CBFA2T2: variants seen among roughly 807,000 people sequenced by gnomAD.
CBFA2T2 encodes protein CBFA2T2.
CBFA2T2 carries 11 observed loss-of-function variants against 62.2 expected under a neutral mutation model. That is an observed-to-expected ratio of 0.18 (90% CI 0.11 to 0.29). CBFA2T2 has a LOEUF of 0.29. CBFA2T2 is among the 10% of genes least tolerant of loss of function. CBFA2T2 has a pLI of 1.00. For synonymous variants in CBFA2T2, 295 were observed against 287.5 expected, an observed-to-expected ratio of 1.03 and a Z score of -0.27; for missense variants, 592 against 774.1, an observed-to-expected ratio of 0.76 and a Z score of 2.79.
intron 1 of CBFA2T2, among the ~76,000 whole-genome samples, chr20:33,555,781 T>C (rs548655690): frequency 4.8e-4 from 73 of 152,380 alleles, no homozygotes; most frequent in African/African-American, 1.7e-3. Flanking sequence ...ATAGCTCTTA[T>C]ACCTCAATCC....
intron 1 of CBFA2T2, among the ~76,000 whole-genome samples, chr20:33,564,861 T>C (rs1342810510): frequency 1.3e-5 from 2 of 152,182 alleles, no homozygotes; most frequent in Non-Finnish European, 2.9e-5. Context: ...ATTGCAGGCA[T>C]GAGCCACCAC....
chr20:33,553,194 A>G (rs1035357830), intron 1 of CBFA2T2, among the ~76,000 whole-genome samples: 1 of 152,104 alleles, frequency 6.6e-6, no homozygotes, highest in African/African-American at 2.4e-5. Flanking sequence ...TTTTTTTTGT[A>G]AAGCTACGTT....
intron 1 of CBFA2T2, among the ~76,000 whole-genome samples, chr20:33,492,448 TGTA>T (rs2011154150): frequency 6.6e-6 from 1 of 151,488 alleles, no homozygotes; most frequent in African/African-American, 2.4e-5. Flanking sequence ...ATTTCTTTTG[TGTA>T]GTATTTAGTT....
intron 1 of CBFA2T2, among the ~76,000 whole-genome samples, chr20:33,550,600 C>T (rs945893020): frequency 3.7e-5 from 5 of 134,504 alleles, no homozygotes; most frequent in African/African-American, 1.5e-4. Flanking sequence ...GTCTGAAGTA[C>T]TAATGTGGTT....
chr20:33,490,741 G>GT (rs1381086759), intron 1 of CBFA2T2, among the ~76,000 whole-genome samples: 3 of 152,210 alleles, frequency 2.0e-5, no homozygotes, highest in Non-Finnish European at 4.4e-5. Flanking sequence ...GGCTACCTGG[G>GT]TTCACATCCA....
chr20:33,632,952 T>G (rs1234989516), intron 8 of CBFA2T2, among the ~76,000 whole-genome samples: 1 of 151,090 alleles, frequency 6.6e-6, no homozygotes, highest in African/African-American at 2.4e-5. Context: ...AGAGATGAGG[T>G]TTCACCATGT....
chr20:33,568,560 C>T (rs1049764239), intron 1 of CBFA2T2, among the ~76,000 whole-genome samples: 2 of 152,120 alleles, frequency 1.3e-5, no homozygotes, highest in African/African-American at 2.4e-5. Flanking sequence ...TGCCGGCGGG[C>T]GCGTGCCTGC....
chr20:33,614,103 A>C (rs1243275250), intron 3 of CBFA2T2, among the ~76,000 whole-genome samples: 1 of 151,000 alleles, frequency 6.6e-6, no homozygotes, highest in African/African-American at 2.4e-5. Context: ...CAACAGAGCA[A>C]GACTCCGTCT....
chr20:33,501,709 G>A (rs1320374796), intron 1 of CBFA2T2, among the ~76,000 whole-genome samples: 1 of 119,392 alleles, frequency 8.4e-6, no homozygotes, highest in Non-Finnish European at 1.6e-5. Context: ...GTGCGATCTC[G>A]GCTCACTGCA....
intron 1 of CBFA2T2, among the ~76,000 whole-genome samples, chr20:33,576,728 G>C (rs538769385): frequency 2.0e-4 from 31 of 152,388 alleles, no homozygotes; most frequent in South Asian, 1.7e-3. Context: ...GCTGATCACA[G>C]AGCTAACAGC....
intron 1 of CBFA2T2, among the ~76,000 whole-genome samples, chr20:33,572,868 A>G (rs1194319486): frequency 2.6e-5 from 4 of 152,238 alleles, no homozygotes; most frequent in Non-Finnish European, 5.9e-5. Context: ...TTCCTGTCAT[A>G]TAGAGAAAGA....
chr20:33,543,449 G>A (rs1016727799), intron 1 of CBFA2T2, among the ~76,000 whole-genome samples: 2 of 152,158 alleles, frequency 1.3e-5, no homozygotes, highest in Non-Finnish European at 2.9e-5. Flanking sequence ...AAGGCAGTTC[G>A]CAACATAGGA....
At position 33,619,403 on chromosome 20, in the gene CBFA2T2, T is replaced by G. The variant is rs1478471357; in HGVS notation, c.421-114T>G. ...GCCTGGGCAACAGAGCAAGACTCCA[T>G]CTCAAATAAATAAATAAATAAATAA... On this transcript the variant is annotated intron_variant, in intron 3 of 10. Transcript: ENST00000342704. The G allele has an allele frequency of 9.0e-6, 5 of 553,032 alleles. No homozygotes were observed. The East Asian group carries it at 1.7e-4, about 19-fold the overall frequency. 34.3% of individuals were successfully genotyped at this position (553,032 alleles called of 1,614,324 possible).
At chr20:33,617,074 A>T (rs1025260365) in intron 3 of CBFA2T2, among the ~76,000 whole-genome samples, 37 of 152,164 alleles carry the variant, frequency 2.4e-4, no homozygotes, top group African/African-American at 7.2e-4. Context: ...AAAAAAATTT[A>T]AATTAGCTGG....
chr20:33,523,695 C>CT lies in CBFA2T2; in HGVS notation c.34+33401dup, dbSNP rs573873206. On this transcript the variant is annotated intron_variant, in intron 1 of 10. Coordinates refer to ENST00000342704, the MANE Select transcript of CBFA2T2 (RefSeq NM_001032999.3). ...TGTGTTGTGTTTTTTGTTTTGTTTT[C>CT]TTTTTTTCCCAGGATGGAATTTCAC... Among the ~76,000 whole-genome samples the CT allele has an allele frequency of 3.1e-3, 460 of 150,232 alleles. 2 individuals carry two copies. The highest frequency in any genetic ancestry group is 0.011 in the African/African-American group (442 of 40,916).
intron 1 of CBFA2T2, among the ~76,000 whole-genome samples, chr20:33,548,825 A>G (rs941108685): frequency 2.6e-5 from 4 of 152,092 alleles, no homozygotes; most frequent in African/African-American, 9.7e-5. Flanking sequence ...ACATGGTGGC[A>G]TTCTTCTGGA....
At chr20:33,528,378 T>A (rs1421778533) in intron 1 of CBFA2T2, among the ~76,000 whole-genome samples, 1 of 152,240 alleles carries the variant, frequency 6.6e-6, no homozygotes, top group Non-Finnish European at 1.5e-5. Context: ...AAAGGTTGCA[T>A]GTGGAAAATG....
At chr20:33,521,286 T>C (rs1051652775) in intron 1 of CBFA2T2, among the ~76,000 whole-genome samples, 1 of 152,176 alleles carries the variant, frequency 6.6e-6, no homozygotes, top group South Asian at 2.1e-4. Context: ...TAGTGTTATC[T>C]TCTATAAATG....
At chr20:33,613,508 A>G (rs138438445) in intron 3 of CBFA2T2, among the ~76,000 whole-genome samples, 211 of 152,318 alleles carry the variant, frequency 1.4e-3, no homozygotes, top group African/African-American at 4.8e-3. Flanking sequence ...CTTAGCAACA[A>G]AAATAACAGC....
Sources: gnomAD v4.1 joint callset for allele counts (sites outside exome capture counted in the v4.1 genomes callset) on GRCh38, gnomAD v4.1.1 for gene constraint, MANE v1.5 for transcripts, NCBI Gene and HGNC (gene_info 2026-07-23, HGNC 2026-07-21) for gene names.